The following CLEC4A variants were observed in gnomAD, a reference collection of about 807,000 sequenced individuals.
CLEC4A encodes the protein C-type lectin domain family 4 member A, also known as C-type (calcium dependent, carbohydrate-recognition domain) lectin, superfamily member 6.
A neutral mutation model predicts 32.7 loss-of-function variants in CLEC4A; 27 were observed. The ratio of observed to expected loss-of-function variants is 0.83; its 90% confidence interval spans 0.61 to 1.14. The LOEUF (loss-of-function observed/expected upper bound fraction) is 1.14, where lower values mean the gene tolerates loss of function less well. Among genes scored for constraint, CLEC4A ranks in the 50% most tolerant of loss-of-function variants. The probability of loss-of-function intolerance (pLI) is 0.00; values close to 1 mark genes in which losing one functional copy is unlikely to be tolerated. For missense variants in CLEC4A, 253 were observed against 274.6 expected, an observed-to-expected ratio of 0.92 and a Z score of 0.55; for synonymous variants, 89 against 93.7, an observed-to-expected ratio of 0.95 and a Z score of 0.29.
chr12:8,126,778 G>A (rs770443565), intron 2 of CLEC4A, among the ~76,000 whole-genome samples: 1 of 152,296 alleles, frequency 6.6e-6, no homozygotes, highest in East Asian at 1.9e-4. Context: ...CTTTCCGGAG[G>A]AGGTGACATC....
At chr12:8,136,974 C>A in intron 5 of CLEC4A, 71 bp downstream of exon 5, 1 of 1,020,082 alleles carries the variant, frequency 9.8e-7, no homozygotes, top group Non-Finnish European at 1.5e-6. Flanking sequence ...TTCTAGCTAT[C>A]AGCTATAAAA....
At chr12:8,119,175 A>T (rs1045452039), upstream of CLEC4A, among the ~76,000 whole-genome samples, 1 of 152,238 alleles carries the variant, frequency 6.6e-6, no homozygotes, top group Non-Finnish European at 1.5e-5. Flanking sequence ...CCTTGCTGCA[A>T]AAATGGTCTT....
At chr12:8,104,795 A>T in the CLEC4A span, among the ~76,000 whole-genome samples, 1 of 152,178 alleles carries the variant, frequency 6.6e-6, no homozygotes, top group Non-Finnish European at 1.5e-5. Context: ...TGCAATGTTT[A>T]GATCTCATTC....
At position 8,135,047 on chromosome 12, in the gene CLEC4A, C is replaced by CTTT. The variant is rs1187858911; in HGVS notation, c.299-518_299-516dup. 5.3e-3 allele frequency among the ~76,000 whole-genome samples: 48 copies of CTTT among 9,026 alleles called. 5 individuals carry two copies. The highest frequency in any genetic ancestry group is 5.8e-3 in the Non-Finnish European group (27 of 4,694). The allele number at this position is 9,026 out of a possible 152,430, so 5.9% of individuals were successfully genotyped here. ...CAGATAATTCTAACAATTTTATTAT[C>CTTT]TTTTTTTTTTTTTTTTTTTTTTGAG... On this transcript the variant is annotated intron_variant, in intron 3 of 5. Transcript: ENST00000229332.
chr12:8,127,023 G>A (rs1164460371), intron 2 of CLEC4A, among the ~76,000 whole-genome samples: 1 of 152,158 alleles, frequency 6.6e-6, no homozygotes. Flanking sequence ...TGGTTAATAA[G>A]CCAATCTAAA....
chr12:8,135,464 C>T (rs1210352288), intron 3 of CLEC4A, 121 bp from the exon 4 acceptor site: 1 of 963,232 alleles, frequency 1.0e-6, no homozygotes, highest in East Asian at 2.6e-5. Context: ...CTGGTTGCAT[C>T]TGAGTGTGGA....
At chr12:8,122,119 G>A (rs1288147399), upstream of CLEC4A, among the ~76,000 whole-genome samples, 4 of 152,004 alleles carry the variant, frequency 2.6e-5, no homozygotes, top group African/African-American at 4.8e-5. Context: ...TATTGCTGGG[G>A]GATGGAGGAC....
intron 2 of CLEC4A, among the ~76,000 whole-genome samples, chr12:8,127,338 A>G (rs1276729074): frequency 6.6e-6 from 1 of 152,210 alleles, no homozygotes; most frequent in East Asian, 1.9e-4. Context: ...TCACCTTGGA[A>G]CTAGCGCAGA....
chr12:8,134,761 C>T (rs1948064783), intron 3 of CLEC4A: 1 of 1,557,872 alleles, frequency 6.4e-7, no homozygotes, highest in Non-Finnish European at 8.7e-7. Flanking sequence ...GTCCGAGGAT[C>T]AACCCAGCCC....
chr12:8,110,285 G>T, the CLEC4A span, among the ~76,000 whole-genome samples: 2 of 152,022 alleles, frequency 1.3e-5, no homozygotes, highest in Admixed American at 1.3e-4. Flanking sequence ...CGAGGACACA[G>T]AGGCATAGAG....
At chr12:8,128,433 T>G (rs1266310521) in intron 2 of CLEC4A, among the ~76,000 whole-genome samples, 1 of 148,448 alleles carries the variant, frequency 6.7e-6, no homozygotes, top group Non-Finnish European at 1.5e-5. Flanking sequence ...TTTTTTGAGA[T>G]GGAGTCTTGC....
At chr12:8,137,961 CA>C (rs1948154356) in intron 5 of CLEC4A, among the ~76,000 whole-genome samples, 178 bp from the exon 6 acceptor site, 1 of 152,088 alleles carries the variant, frequency 6.6e-6, no homozygotes, top group South Asian at 2.1e-4. Flanking sequence ...GCACAGTTTT[CA>C]AAGGAAATGC....
chr12:8,118,506 A>G, the CLEC4A span, among the ~76,000 whole-genome samples: 130,243 of 152,138 alleles, frequency 0.86, 58,683 homozygotes, highest in Non-Finnish European at 0.99. Context: ...TTTTGAGGAC[A>G]CTTCAGGAAG....
chr12:8,118,299 A>T, the CLEC4A span, among the ~76,000 whole-genome samples: 1 of 152,200 alleles, frequency 6.6e-6, no homozygotes, highest in South Asian at 2.1e-4. Flanking sequence ...GATTCAACAT[A>T]CAATGGAATA....
At chr12:8,123,367 A>G (rs1031213950), upstream of CLEC4A, among the ~76,000 whole-genome samples, 2 of 152,320 alleles carry the variant, frequency 1.3e-5, no homozygotes, top group African/African-American at 4.8e-5. Context: ...GTTTTGTGTC[A>G]ATGATACTCT....
chr12:8,132,399 G>T (rs1948013509), intron 3 of CLEC4A, among the ~76,000 whole-genome samples: 1 of 152,116 alleles, frequency 6.6e-6, no homozygotes, highest in African/African-American at 2.4e-5. Context: ...CATCTCCTTT[G>T]ACTCGTGGAT....
intron 1 of CLEC4A, 128 bp from the exon 2 acceptor site, chr12:8,125,433 G>T (rs180721870): frequency 2.6e-5 from 16 of 611,398 alleles, no homozygotes; most frequent in African/African-American, 2.4e-4. Context: ...CTATTCTCAT[G>T]TGATTTCAAA....
upstream of CLEC4A, among the ~76,000 whole-genome samples, chr12:8,122,467 C>CA (rs1362349866): frequency 2.2e-5 from 3 of 137,868 alleles, no homozygotes; most frequent in Non-Finnish European, 4.6e-5. Flanking sequence ...GGGGGATGTT[C>CA]ATGGGGGTGG....
intron 4 of CLEC4A, 83 bp downstream of exon 4, chr12:8,135,819 T>C (rs905831459): frequency 3.5e-6 from 5 of 1,422,324 alleles, no homozygotes; most frequent in Admixed American, 2.2e-5. Context: ...TTTTTGTTAC[T>C]TTGGGATATT....
Sources: allele counts gnomAD v4.1 joint callset (sites outside exome capture counted in the v4.1 genomes callset), GRCh38; gene constraint gnomAD v4.1.1; transcripts MANE v1.5; gene names NCBI Gene and HGNC (gene_info 2026-07-23, HGNC 2026-07-21).